The following KHSRP variants were observed in gnomAD, a reference collection of about 807,000 sequenced individuals.
KHSRP encodes the protein KH-type splicing regulatory protein, also known as far upstream element-binding protein 2.
A neutral mutation model predicts 94.9 loss-of-function variants in KHSRP; 13 were observed. The observed-to-expected ratio is 0.14, with a 90% CI of 0.09 to 0.22. KHSRP has a LOEUF of 0.22. Among genes scored for constraint, KHSRP ranks in the 10% least tolerant of loss-of-function variants. The probability of loss-of-function intolerance (pLI) is 1.00; values close to 1 mark genes in which losing one functional copy is unlikely to be tolerated. For missense variants in KHSRP, 710 were observed against 1,010.0 expected, an observed-to-expected ratio of 0.70 and a Z score of 4.03; for synonymous variants, 495 against 401.4, an observed-to-expected ratio of 1.23 and a Z score of -2.79.
rs2092176475 is a variant in KHSRP at position 6,418,999 on chromosome 19, G to A, written c.606-123C>T. 4 of 1,181,892 alleles carry A rather than the reference G, an allele frequency of 3.4e-6. No homozygotes were observed. The highest frequency in any genetic ancestry group is 4.6e-6 in the Non-Finnish European group (4 of 863,386). 73.2% of individuals were successfully genotyped at this position (1,181,892 alleles called of 1,614,324 possible). On this transcript the variant is annotated intron_variant, in intron 7 of 18. Coordinates refer to ENST00000600480, the MANE Select transcript of KHSRP (RefSeq NM_001366299.1). The surrounding 1 kb of genome is among the most constrained non-coding windows in gnomAD (Gnocchi z 4.3). Reference sequence around the variant, plus strand: ...TGTGCAAGGATGACAGGGAAGAGGGGCCAGTCACAGGGGCTGTTCAGGCTC... The same window carrying A: ...TGTGCAAGGATGACAGGGAAGAGGGACCAGTCACAGGGGCTGTTCAGGCTC...
intron 11 of KHSRP, among the ~76,000 whole-genome samples, chr19:6,417,463 G>A (rs1827651177): frequency 6.6e-6 from 1 of 152,314 alleles, no homozygotes; most frequent in Admixed American, 6.5e-5. Context: ...AGCCTGCGGG[G>A]CACCCAGGGC....
In KHSRP at chr19:6,417,878, GCTCTGCTGCC is replaced by G. The variant is rs752824934; in HGVS notation, c.979-47_979-38del. 1.6e-5 allele frequency: 25 copies of G among 1,606,214 alleles called. No individual in the cohort carries two copies. The African/African-American group carries it at 2.0e-4, about 13-fold the overall frequency. ...GGCAGCAGCGTCAGCTCGGCCCGCA[GCTCTGCTGCC>G]CTCTGCTGCCCACTGGCCACAAGGA... On this transcript the variant is annotated intron_variant, in intron 10 of 18. Transcript: ENST00000600480.
At chr19:6,416,246 G>A (rs967955799) in intron 15 of KHSRP, 52 bp downstream of exon 15, 23 of 1,420,788 alleles carry the variant, frequency 1.6e-5, no homozygotes, top group Non-Finnish European at 2.1e-5. Flanking sequence ...TATTCTTCTT[G>A]CCAGCTCAGT....
rs1425552649 is a variant in KHSRP at position 6,413,546 on chromosome 19, G to A, written c.*1478C>T. The stretch of plus-strand genomic sequence containing the variant: ...AGCCAGGGCGGGAGGGAGAGAAGAG[G>A]GGGCTTGGCTGCTGGGGGAAGGGGT... On this transcript the variant is annotated 3_prime_UTR_variant, in exon 19 of 19. Coordinates refer to ENST00000600480, the MANE Select transcript of KHSRP (RefSeq NM_001366299.1). 1.9e-5 allele frequency: 5 copies of A among 259,970 alleles called. No individual in the cohort carries two copies. The highest frequency in any genetic ancestry group is 4.0e-5 in the Non-Finnish European group (5 of 123,916). The allele number at this position is 259,970 out of a possible 1,614,324, so 16.1% of individuals were successfully genotyped here.
chr19:6,415,641 G>A lies in KHSRP; in HGVS notation c.1781C>T (p.Pro594Leu). The A allele has an allele frequency of 6.5e-7, 1 of 1,534,698 alleles. No homozygotes were observed. Among genetic ancestry groups the A allele is most frequent in the Non-Finnish European group, 8.8e-7 (1 of 1,142,266 alleles). The change falls in exon 17 of 19, where the codon CCC becomes CTC. Residue 594 changes from proline to leucine, a missense_variant. By Grantham distance (98) the Pro-to-Leu change is moderately conservative. Transcript: ENST00000600480. Reference sequence around the variant, plus strand: ...CGGTGGGGCCGCAGGGGCCGGTGCGGGGCCGGGGACGGGGCCCGGGGGCTG... The same window carrying A: ...CGGTGGGGCCGCAGGGGCCGGTGCGAGGCCGGGGACGGGGCCCGGGGGCTG... ...YQQPPGPVPG[P>L]APAPAAPPAQ...
rs1047193558 is a variant in KHSRP, at chr19:6,416,390, A to T, written c.1506T>A (p.Val502=). The T allele has an allele frequency of 1.2e-6, 2 of 1,613,266 alleles. No homozygotes were observed. The highest frequency in any genetic ancestry group is 1.3e-5 in the African/African-American group (1 of 74,938). The change falls in exon 15 of 19, where the codon GTT becomes GTA. Residue 502 remains valine, a synonymous_variant. Transcript: ENST00000600480. ...EEKIEGPLCP[V]GPGPGGPGPA... is the part of the protein sequence containing the mutation. ...GGCCTGGGCCACCTGGGCCTGGTCCAACTGGGCAGAGAGGACCCTAGAAGG... is the reference window on the plus strand; with the variant it reads ...GGCCTGGGCCACCTGGGCCTGGTCCTACTGGGCAGAGAGGACCCTAGAAGG...
chr19:6,424,416 C>T, intron 1 of KHSRP, 37 bp downstream of exon 1: 2 of 970,792 alleles, frequency 2.1e-6, no homozygotes, highest in Non-Finnish European at 2.4e-6. Flanking sequence ...CCTGCGCGCG[C>T]GCGCGAGCGC....
rs75697431 is a variant in KHSRP at position 6,424,648 on chromosome 19, G to A, written c.54C>T (p.Gly18=). 4 of 1,007,874 alleles carry A rather than the reference G, an allele frequency of 4.0e-6. No individual in the cohort carries two copies. Among genetic ancestry groups the A allele is most frequent in the Non-Finnish European group, 4.7e-6 (4 of 847,798 alleles). The allele number at this position is 1,007,874 out of a possible 1,614,324, so 62.4% of individuals were successfully genotyped here. ...CGGCGCCTCCGGCTCCCCCGCCCCCGCCGGCGGGCGGCGGCGGCCCGGGCG... is the reference window on the plus strand; with the variant it reads ...CGGCGCCTCCGGCTCCCCCGCCCCCACCGGCGGGCGGCGGCGGCCCGGGCG... The part of the protein sequence containing the change: ...GPPPGPPPPA[G]GGGGAGGAGG... The change falls in exon 1 of 19, where the codon GGC becomes GGT. Residue 18 remains glycine (G), a synonymous_variant. Transcript: ENST00000600480.
Position 6,415,612 on chromosome 19 carries a change from G to C in KHSRP, c.1810C>G (p.Gln604Glu), listed in dbSNP as rs1398892758. Residue 604 changes from glutamine (Q) to glutamate (E), a missense_variant, in exon 17 of 19, where the codon CAG becomes GAG. This residue lies in a region of KHSRP where 292 missense variants were observed against 340.5 expected (regional missense o/e 0.86). Coordinates refer to ENST00000600480, the MANE Select transcript of KHSRP (RefSeq NM_001366299.1). ...PAPAPAAPPA[Q>E]GEPPQPPPTG... ...GGTGGGGGCTGAGGGGGCTCACCCTGAGCCGGTGGGGCCGCAGGGGCCGGT... is the reference window on the plus strand; with the variant it reads ...GGTGGGGGCTGAGGGGGCTCACCCTCAGCCGGTGGGGCCGCAGGGGCCGGT... The C allele has an allele frequency of 6.6e-7, 1 of 1,518,368 alleles. No homozygotes were observed. Among genetic ancestry groups the C allele is most frequent in the Non-Finnish European group, 8.8e-7 (1 of 1,134,240 alleles). The allele number at this position is 1,518,368 out of a possible 1,614,324, so 94.1% of individuals were successfully genotyped here. A position where few individuals can be genotyped will look rare whatever the true frequency, so the allele number is the denominator to read the frequency against.
At position 6,414,739 on chromosome 19, in the gene KHSRP, GAA is replaced by G. The variant is rs375287015; in HGVS notation, c.*283_*284del. ...ACCAAAAAAGTGATGCAGAGAAGGG[GAA>G]AAAATAGACGTTTTCTTCCCAAGTG... On this transcript the variant is annotated 3_prime_UTR_variant, in exon 19 of 19. Transcript: ENST00000600480. 2.7e-3 allele frequency: 2,839 copies of G among 1,065,248 alleles called. 57 individuals are homozygous for G. In the African/African-American group the frequency reaches 0.041, roughly 16 times the overall value. The allele number at this position is 1,065,248 out of a possible 1,614,324, so 66.0% of individuals were successfully genotyped here.
In KHSRP at chr19:6,418,840, C is replaced by T; in HGVS notation, c.642G>A (p.Arg214=). 1.9e-6 allele frequency: 3 copies of T among 1,561,288 alleles called. No homozygotes were observed. Among genetic ancestry groups the T allele is most frequent in the Non-Finnish European group, 2.6e-6 (3 of 1,158,868 alleles). The part of the protein sequence containing the change: ...AKMMLDDIVS[R]GRGGPPGQFH... ...ACTGTCCTGGGGGGCCCCCACGACC[C>T]CGAGACACAATGTCATCCAGCATCA... Residue 214 remains arginine (R), a synonymous_variant, in exon 8 of 19, where the codon CGG becomes CGA. Transcript: ENST00000600480. The surrounding 1 kb of genome is among the most constrained non-coding windows in gnomAD (Gnocchi z 4.3).
At chr19:6,420,367 G>T (rs2092187795) in intron 5 of KHSRP, 55 bp downstream of exon 5, 2 of 1,561,430 alleles carry the variant, frequency 1.3e-6, no homozygotes, top group African/African-American at 1.4e-5. Flanking sequence ...GAGCTCACAG[G>T]ACACTTCCTC....
intron 7 of KHSRP, 150 bp downstream of exon 7, chr19:6,419,053 G>GA (rs1288035862): frequency 1.4e-5 from 15 of 1,073,162 alleles, no homozygotes; most frequent in Non-Finnish European, 2.0e-5. Context: ...GGCTGCCGGG[G>GA]AATCAGCCTC....
At position 6,415,645 on chromosome 19, in the gene KHSRP, C is replaced by T. The variant is rs1255072890; in HGVS notation, c.1777G>A (p.Gly593Ser). The T allele has an allele frequency of 7.8e-6, 12 of 1,533,000 alleles. No homozygotes were observed. Among genetic ancestry groups the T allele is most frequent in the South Asian group, 2.4e-5 (2 of 82,526 alleles). The allele number at this position is 1,533,000 out of a possible 1,614,324, so 95.0% of individuals were successfully genotyped here. A position where few individuals can be genotyped will look rare whatever the true frequency, so the allele number is the denominator to read the frequency against. The change falls in exon 17 of 19, where the codon GGC becomes AGC. Residue 593 changes from glycine to serine, a missense_variant. This residue lies in a region of KHSRP where 292 missense variants were observed against 340.5 expected (regional missense o/e 0.86). Transcript: ENST00000600480. ...GGGGCCGCAGGGGCCGGTGCGGGGC[C>T]GGGGACGGGGCCCGGGGGCTGCTGG... is the stretch of plus-strand genomic sequence containing the variant. ...YYQQPPGPVP[G>S]PAPAPAAPPA...
At chr19:6,419,309 A>G (rs1479081409) in intron 6 of KHSRP, 49 bp from the exon 7 acceptor site, 4 of 1,508,950 alleles carry the variant, frequency 2.7e-6, no homozygotes, top group East Asian at 2.5e-5. Context: ...ACAGGCAGAG[A>G]AAGGCCTGCC....
intron 2 of KHSRP, 68 bp from the exon 3 acceptor site, chr19:6,421,756 T>G: frequency 6.4e-7 from 1 of 1,570,214 alleles, no homozygotes; most frequent in Non-Finnish European, 8.8e-7. Flanking sequence ...CTGATGCTGG[T>G]GCCACATGTC....
chr19:6,415,353 C>T, intron 18 of KHSRP, 27 bp downstream of exon 18: 1 of 1,611,756 alleles, frequency 6.2e-7, no homozygotes, highest in Non-Finnish European at 8.5e-7. Flanking sequence ...CTGCCCCTGC[C>T]CCTGTCCCCG....
rs375357306 is a variant in KHSRP, at chr19:6,415,201, G to A, written c.2067C>T (p.Tyr689=). 1.1e-4 allele frequency: 170 copies of A among 1,611,864 alleles called. No individual in the cohort carries two copies. Among genetic ancestry groups the A allele is most frequent in the Admixed American group, 1.8e-4 (11 of 59,996 alleles). The stretch of plus-strand genomic sequence containing the variant: ...GGCCGCCAGGACCTGGGGTCTGTCC[G>A]TAGTAAGCGGCCTGCTGTCTGTAAT... The part of the protein sequence containing the change: ...AEYYRQQAAY[Y]GQTPGPGGPQ... The change falls in exon 19 of 19, where the codon TAC becomes TAT. Residue 689 remains tyrosine (Y), a synonymous_variant. Transcript: ENST00000600480.
In KHSRP at chr19:6,415,305, TG is replaced by T. The variant is rs530791386; in HGVS notation, c.1967-5del. The T allele has an allele frequency of 2.5e-4, 410 of 1,613,370 alleles. 4 individuals are homozygous for T. In the South Asian group the frequency reaches 4.3e-3, roughly 17 times the overall value. ...CCCCCTCCGGTGGCCACTTGCGCTG[TG>T]GGTGGACAAAGGCAGGTGAGAGGCT... On this transcript the variant is annotated splice_region_variant and splice_polypyrimidine_tract_variant and intron_variant, in intron 18 of 18. Transcript: ENST00000600480.
Sources: gnomAD v4.1 joint callset for allele counts (sites outside exome capture counted in the v4.1 genomes callset) on GRCh38, gnomAD v4.1.1 for gene constraint, gnomAD v4.1.1 regional missense constraint, Gnocchi (gnomAD v3.1) non-coding constraint, MANE v1.5 for transcripts, NCBI Gene and HGNC (gene_info 2026-07-23, HGNC 2026-07-21) for gene names.